SMCO4: variants seen among roughly 807,000 people sequenced by gnomAD.
The protein encoded by SMCO4 is single-pass membrane protein with coiled-coil domains 4, also known as single-pass membrane and coiled-coil domain-containing protein 4.
A neutral mutation model predicts 3.6 loss-of-function variants in SMCO4; 4 were observed. That is an observed-to-expected ratio of 1.11 (90% CI 0.54 to 2.53). SMCO4 has a LOEUF of 2.53. SMCO4 is among the 30% of genes most tolerant of loss of function. SMCO4 has a pLI of 0.02. For synonymous variants in SMCO4, 36 were observed against 35.3 expected (o/e 1.02, Z -0.07); for missense variants, 70 against 80.8 (o/e 0.87, Z 0.51).
chr11:93,526,924 T>C (rs939027845), intron 1 of SMCO4, among the ~76,000 whole-genome samples: 1 of 152,168 alleles, frequency 6.6e-6, no homozygotes, highest in Non-Finnish European at 1.5e-5. Flanking sequence ...CAAGGCCACA[T>C]ATCTGAGCTC....
chr11:93,508,255 G>A (rs941938391), intron 1 of SMCO4, among the ~76,000 whole-genome samples: 2 of 152,126 alleles, frequency 1.3e-5, no homozygotes, highest in Non-Finnish European at 2.9e-5. Context: ...CCAACACTGG[G>A]ATGGGGCATT....
In SMCO4 at chr11:93,543,049, G is replaced by A. The variant is rs533284898; in HGVS notation, c.-154+227C>T. ...GCGTCTCGAGCCGCGACGGGCAGGC[G>A]AGCTCGAGTCCCTCGGGCCCCCAAC... On this transcript the variant is annotated intron_variant, in intron 1 of 2. Transcript: ENST00000298966. 7.0e-4 allele frequency among the ~76,000 whole-genome samples: 107 copies of A among 151,894 alleles called. No homozygotes were observed. In the East Asian group the frequency reaches 0.02, roughly 28 times the overall value.
chr11:93,532,368 A>C (rs373180708), intron 1 of SMCO4, among the ~76,000 whole-genome samples: 5 of 152,218 alleles, frequency 3.3e-5, no homozygotes, highest in African/African-American at 4.8e-5. Flanking sequence ...CTGAGTAAGA[A>C]AGACTTGCAC....
At chr11:93,530,503 T>C (rs1347966561) in intron 1 of SMCO4, among the ~76,000 whole-genome samples, 4 of 152,134 alleles carry the variant, frequency 2.6e-5, no homozygotes, top group African/African-American at 9.7e-5. Context: ...GCTACATCCA[T>C]CTGAACTTAG....
intron 1 of SMCO4, among the ~76,000 whole-genome samples, chr11:93,505,961 A>G (rs1215746437): frequency 6.6e-6 from 1 of 152,220 alleles, no homozygotes; most frequent in Admixed American, 6.5e-5. Flanking sequence ...CCTGCCCACC[A>G]AGATAAATAT....
chr11:93,479,395 G>A, intron 2 of SMCO4, 126 bp from the exon 3 acceptor site: 1 of 881,266 alleles, frequency 1.1e-6, no homozygotes, highest in East Asian at 2.9e-5. Context: ...AAGAACAGAG[G>A]CCACACCAGG....
chr11:93,525,035 T>C (rs771445264), intron 1 of SMCO4, among the ~76,000 whole-genome samples: 1 of 152,082 alleles, frequency 6.6e-6, no homozygotes, highest in Non-Finnish European at 1.5e-5. Context: ...CAGAGGAAGG[T>C]TGCACTCAAC....
the SMCO4 span, among the ~76,000 whole-genome samples, chr11:93,552,230 C>A: frequency 6.9e-6 from 1 of 144,504 alleles, no homozygotes; most frequent in South Asian, 2.2e-4. Flanking sequence ...AATCTCGGCT[C>A]ACTGCAATCT....
chr11:93,517,627 T>C (rs1457796782), intron 1 of SMCO4, among the ~76,000 whole-genome samples: 2 of 152,232 alleles, frequency 1.3e-5, no homozygotes, highest in East Asian at 1.9e-4. Flanking sequence ...AGATAAAGGT[T>C]AATATTTATT....
At chr11:93,515,318 G>A (rs547807185) in intron 1 of SMCO4, among the ~76,000 whole-genome samples, 2 of 152,324 alleles carry the variant, frequency 1.3e-5, no homozygotes, top group South Asian at 2.1e-4. Flanking sequence ...CAGGTAGTTA[G>A]TAAAATAATC....
At chr11:93,489,560 C>T (rs1948690554) in intron 2 of SMCO4, among the ~76,000 whole-genome samples, 3 of 152,168 alleles carry the variant, frequency 2.0e-5, no homozygotes, top group African/African-American at 7.2e-5. Flanking sequence ...ATGGCACCAA[C>T]CGCGCAGGTG....
At chr11:93,498,551 C>T (rs901810899) in intron 2 of SMCO4, among the ~76,000 whole-genome samples, 2 of 152,220 alleles carry the variant, frequency 1.3e-5, no homozygotes, top group African/African-American at 4.8e-5. Context: ...CTCTGCCTGT[C>T]ACCTCCCTCC....
chr11:93,484,712 T>A (rs559586757), intron 2 of SMCO4, among the ~76,000 whole-genome samples: 1 of 150,066 alleles, frequency 6.7e-6, no homozygotes, highest in Non-Finnish European at 1.5e-5. Context: ...TTGCACCATA[T>A]AACCCATGCA....
At chr11:93,548,753 A>G in the SMCO4 span, among the ~76,000 whole-genome samples, 1 of 152,200 alleles carries the variant, frequency 6.6e-6, no homozygotes, top group Non-Finnish European at 1.5e-5. Context: ...GCAAGGAAAG[A>G]GTGAAGCAAC....
chr11:93,520,082 C>T (rs564725590), intron 1 of SMCO4, among the ~76,000 whole-genome samples: 1 of 152,292 alleles, frequency 6.6e-6, no homozygotes, highest in South Asian at 2.1e-4. Flanking sequence ...CCCTTGCAGC[C>T]CGGATGGCAT....
Position 93,535,686 on chromosome 11 carries a change from C to T in SMCO4, c.-154+7590G>A, listed in dbSNP as rs545624787. ...AGAAGATCAGCACAGTGGTGAGCTCCGAGGAAGTGAATAAGTTTCAGATGG... is the reference window on the plus strand; with the variant it reads ...AGAAGATCAGCACAGTGGTGAGCTCTGAGGAAGTGAATAAGTTTCAGATGG... On this transcript the variant is annotated intron_variant, in intron 1 of 2. Coordinates refer to ENST00000298966, the MANE Select transcript of SMCO4 (RefSeq NM_020179.3). The T allele has an allele frequency of 4.4e-5, 71 of 1,612,620 alleles. 1 individual carries two copies. The South Asian group carries it at 6.0e-4, about 14-fold the overall frequency.
At chr11:93,533,590 T>C (rs1209403200) in intron 1 of SMCO4, among the ~76,000 whole-genome samples, 1 of 152,108 alleles carries the variant, frequency 6.6e-6, no homozygotes, top group Non-Finnish European at 1.5e-5. Context: ...GAGGTTGCAC[T>C]AGCAATCCCC....
chr11:93,511,774 A>C (rs576536646), intron 1 of SMCO4, among the ~76,000 whole-genome samples: 1 of 152,250 alleles, frequency 6.6e-6, no homozygotes, highest in Non-Finnish European at 1.5e-5. Flanking sequence ...TGTCAAAAAA[A>C]AATTCATAAA....
intron 2 of SMCO4, among the ~76,000 whole-genome samples, chr11:93,483,518 C>G (rs2605597): frequency 0.31 from 47,563 of 152,060 alleles, 7,776 homozygotes; most frequent in East Asian, 0.48. Flanking sequence ...GGGAGAGAGG[C>G]CTGGGGGTGG....
Sources: gnomAD v4.1 joint callset for allele counts (sites outside exome capture counted in the v4.1 genomes callset) on GRCh38, gnomAD v4.1.1 for gene constraint, MANE v1.5 for transcripts, NCBI Gene and HGNC (gene_info 2026-07-23, HGNC 2026-07-21) for gene names.